The following GTF2IRD1 variants were observed in gnomAD, a reference collection of about 807,000 sequenced individuals.
GTF2IRD1 encodes the protein GTF2I repeat domain containing 1.
GTF2IRD1 carries 26 observed loss-of-function variants against 113.2 expected under a neutral mutation model. That is an observed-to-expected ratio of 0.23 (90% CI 0.17 to 0.32). The LOEUF is 0.32. Ranked by LOEUF, GTF2IRD1 falls within the 10% of genes least tolerant of loss-of-function variation. GTF2IRD1 has a pLI of 1.00. For missense variants in GTF2IRD1, 864 were observed against 1,280.8 expected, an observed-to-expected ratio of 0.67 and a Z score of 4.97; for synonymous variants, 484 against 529.1, an observed-to-expected ratio of 0.91 and a Z score of 1.17.
At chr7:74,550,827 G>A (rs1220963884) in intron 17 of GTF2IRD1, among the ~76,000 whole-genome samples, 2 of 151,666 alleles carry the variant, frequency 1.3e-5, no homozygotes, top group Non-Finnish European at 2.9e-5. Flanking sequence ...CCAGGAGTTC[G>A]AGACCAGTCT....
At chr7:74,601,009 C>T (rs782815674) in intron 25 of GTF2IRD1, 35 bp from the exon 26 acceptor site, 1 of 1,612,324 alleles carries the variant, frequency 6.2e-7, no homozygotes, top group South Asian at 1.1e-5. Flanking sequence ...AAAGCCTCAG[C>T]TTCCAGTGTC....
intron 1 of GTF2IRD1, among the ~76,000 whole-genome samples, chr7:74,457,530 A>G (rs1793066247): frequency 6.6e-6 from 1 of 152,108 alleles, no homozygotes; most frequent in Non-Finnish European, 1.5e-5. Flanking sequence ...CCACCCTGGT[A>G]GGAGTCCCAG....
At chr7:74,557,182 G>C (rs1336410473) in intron 19 of GTF2IRD1, among the ~76,000 whole-genome samples, 3 of 152,162 alleles carry the variant, frequency 2.0e-5, no homozygotes, top group Admixed American at 1.3e-4. Flanking sequence ...GGAGGTGGAG[G>C]TTCCATTGGG....
intron 11 of GTF2IRD1, 144 bp from the exon 12 acceptor site, chr7:74,537,992 T>C: frequency 1.4e-6 from 1 of 727,720 alleles, no homozygotes; most frequent in South Asian, 1.6e-5. Flanking sequence ...GGGAGCACCA[T>C]CCTGGAGGGC....
At chr7:74,545,553 A>T (rs587646180) in intron 15 of GTF2IRD1, among the ~76,000 whole-genome samples, 191 bp from the exon 16 acceptor site, 45 of 152,258 alleles carry the variant, frequency 3.0e-4, no homozygotes, top group African/African-American at 1.1e-3. Flanking sequence ...GCAAACAAGA[A>T]TGTGAGCCCA....
intron 2 of GTF2IRD1, among the ~76,000 whole-genome samples, chr7:74,510,741 A>G (rs142871722): frequency 6.6e-6 from 1 of 152,068 alleles, no homozygotes; most frequent in African/African-American, 2.4e-5. Flanking sequence ...GAATGTTTTC[A>G]TAGTCATAGA....
At chr7:74,587,379 G>T (rs1295825019) in intron 22 of GTF2IRD1, among the ~76,000 whole-genome samples, 7 of 152,036 alleles carry the variant, frequency 4.6e-5, no homozygotes, top group Admixed American at 4.6e-4. Context: ...GGGAGGCAGA[G>T]GTTGCAGCGA....
At chr7:74,538,884 C>T in intron 13 of GTF2IRD1, 124 bp downstream of exon 13, 1 of 636,096 alleles carries the variant, frequency 1.6e-6, no homozygotes, top group African/African-American at 1.8e-5. Flanking sequence ...TTCTGAGAGC[C>T]ATCGGGGTAC....
chr7:74,513,333 TCTTGCCCTGTCACCCAGG>T (rs1477186260), intron 3 of GTF2IRD1, among the ~76,000 whole-genome samples: 2 of 152,004 alleles, frequency 1.3e-5, no homozygotes. Context: ...TGAGACAGAG[TCTTGCCCTGTCACCCAGG>T]CTGGAGTGCA....
Position 74,546,075 on chromosome 7 carries a change from G to A in GTF2IRD1, c.1732+266G>A, listed in dbSNP as rs1367519893. Among the ~76,000 whole-genome samples, 5 of 151,854 alleles carry A rather than the reference G, an allele frequency of 3.3e-5. No individual in the cohort carries two copies. In the South Asian group the frequency reaches 6.2e-4, roughly 19 times the overall value. Reference sequence around the variant, plus strand: ...AGGCCACTCCCTCCCCTGTAATGTCGCCAGCCCTCAGCCCTCCGCCCTCAC... The same window carrying A: ...AGGCCACTCCCTCCCCTGTAATGTCACCAGCCCTCAGCCCTCCGCCCTCAC... On this transcript the variant is annotated intron_variant, in intron 16 of 26. Transcript: ENST00000424337.
chr7:74,526,323 G>A (rs918914624), intron 8 of GTF2IRD1, among the ~76,000 whole-genome samples: 2 of 152,180 alleles, frequency 1.3e-5, no homozygotes, highest in African/African-American at 4.8e-5. Flanking sequence ...GGAGCTGCGT[G>A]GGGGAGAAGG....
chr7:74,483,120 C>T (rs782466003), intron 1 of GTF2IRD1, among the ~76,000 whole-genome samples: 64 of 152,086 alleles, frequency 4.2e-4, no homozygotes, highest in African/African-American at 1.4e-3. Context: ...GCCTCTGGGC[C>T]GTGGTTTCCC....
chr7:74,483,989 C>G (rs782800829), intron 1 of GTF2IRD1, among the ~76,000 whole-genome samples: 3 of 151,948 alleles, frequency 2.0e-5, no homozygotes, highest in Non-Finnish European at 4.4e-5. Context: ...CGTGTAGATA[C>G]AGCCAGAGTC....
chr7:74,470,069 C>G (rs1793987711), intron 1 of GTF2IRD1, among the ~76,000 whole-genome samples: 1 of 152,114 alleles, frequency 6.6e-6, no homozygotes, highest in South Asian at 2.1e-4. Context: ...GCAGTCTTGG[C>G]TCACTGCAAC....
At chr7:74,526,174 GT>G (rs782432609) in intron 8 of GTF2IRD1, among the ~76,000 whole-genome samples, 2 of 152,280 alleles carry the variant, frequency 1.3e-5, no homozygotes, top group African/African-American at 2.4e-5. Flanking sequence ...GCCCAGGCCA[GT>G]GTTCTGGCCT....
intron 22 of GTF2IRD1, among the ~76,000 whole-genome samples, chr7:74,565,746 G>T (rs1244948281): frequency 1.9e-4 from 29 of 152,262 alleles, no homozygotes; most frequent in African/African-American, 7.0e-4. Context: ...AGTGCAGGAG[G>T]ATTGCTTGAA....
chr7:74,526,192 C>A (rs587596324), intron 8 of GTF2IRD1, among the ~76,000 whole-genome samples: 1 of 152,254 alleles, frequency 6.6e-6, no homozygotes, highest in African/African-American at 2.4e-5. Flanking sequence ...GCCTGTCCCA[C>A]GCTCTGGACT....
At chr7:74,493,308 C>T (rs946398169) in intron 1 of GTF2IRD1, among the ~76,000 whole-genome samples, 2 of 151,218 alleles carry the variant, frequency 1.3e-5, no homozygotes, top group South Asian at 2.1e-4. Context: ...GATGGGGTCT[C>T]ACTATGTTTC....
Position 74,485,851 on chromosome 7 carries a change from A to G in GTF2IRD1, c.-6-22224A>G, listed in dbSNP as rs372414617. 1.4e-4 allele frequency among the ~76,000 whole-genome samples: 21 copies of G among 152,198 alleles called. 1 individual carries two copies. In the East Asian group the frequency reaches 3.7e-3, roughly 27 times the overall value. ...TGAGGCAGGAGAATTGCTTGAGTCC[A>G]GGAAGGTGGGGCTGCAGTGAGCTAT... is the stretch of plus-strand genomic sequence containing the variant. On this transcript the variant is annotated intron_variant, in intron 1 of 26. Coordinates refer to ENST00000424337, the MANE Select transcript of GTF2IRD1 (RefSeq NM_005685.4).
Sources: allele counts gnomAD v4.1 joint callset (sites outside exome capture counted in the v4.1 genomes callset), GRCh38; gene constraint gnomAD v4.1.1; transcripts MANE v1.5; gene names NCBI Gene and HGNC (gene_info 2026-07-23, HGNC 2026-07-21).